Variants in CASQ2 observed in about 807,000 individuals in gnomAD.
The protein encoded by CASQ2 is calsequestrin-2.
A neutral mutation model predicts 46.5 loss-of-function variants in CASQ2; 49 were observed. That is an observed-to-expected ratio of 1.05 (90% CI 0.84 to 1.34). CASQ2 has a LOEUF of 1.34. CASQ2 is among the 40% of genes most tolerant of loss of function. The pLI is 0.00. For synonymous variants in CASQ2, 174 were observed against 168.5 expected, an observed-to-expected ratio of 1.03 and a Z score of -0.25; for missense variants, 486 against 481.3, an observed-to-expected ratio of 1.01 and a Z score of -0.09.
In CASQ2 at chr1:115,721,674, G is replaced by T. The variant is rs538575923; in HGVS notation, c.784-3780C>A. On this transcript the variant is annotated intron_variant, in intron 7 of 10. Transcript: ENST00000261448. ...CAGCCTCTGCCTCCCAGGCTCAAAG[G>T]ATGCTCCTGCCTCAGCCTCTCAAGC... 1.3e-4 allele frequency among the ~76,000 whole-genome samples: 20 copies of T among 152,162 alleles called. No homozygotes were observed. The South Asian group carries it at 3.7e-3, about 28-fold the overall frequency.
intron 7 of CASQ2, among the ~76,000 whole-genome samples, chr1:115,721,303 C>T (rs4255384): frequency 0.57 from 87,076 of 151,782 alleles, 25,169 homozygotes; most frequent in East Asian, 0.65. Flanking sequence ...ACTGGGTCTC[C>T]TTTTGCCCTG....
Position 115,768,299 on chromosome 1 carries a change from G to A in CASQ2, c.234+9C>T, listed in dbSNP as rs778512493. On this transcript the variant is annotated intron_variant, in intron 1 of 10. Transcript: ENST00000261448. Reference sequence around the variant, plus strand: ...GGCAGCGCAGACAGCATGCCCTTTGGTTACTTACCTCAAGCACGATTTCTT... The same window carrying A: ...GGCAGCGCAGACAGCATGCCCTTTGATTACTTACCTCAAGCACGATTTCTT... 2 of 1,584,894 alleles carry A rather than the reference G, an allele frequency of 1.3e-6. No individual in the cohort carries two copies. The highest frequency in any genetic ancestry group is 1.7e-6 in the Non-Finnish European group (2 of 1,153,622).
chr1:115,721,831 A>G (rs1647388381), intron 7 of CASQ2, among the ~76,000 whole-genome samples: 1 of 152,198 alleles, frequency 6.6e-6, no homozygotes, highest in Non-Finnish European at 1.5e-5. Context: ...TCAGCCTCCC[A>G]AAGTGCTGGG....
intron 1 of CASQ2, among the ~76,000 whole-genome samples, chr1:115,754,988 G>A (rs567065754): frequency 1.3e-5 from 2 of 152,294 alleles, no homozygotes; most frequent in African/African-American, 4.8e-5. Context: ...GGTCTGGGAT[G>A]GGACCCAAGA....
At chr1:115,742,624 A>C (rs1367383922) in intron 2 of CASQ2, among the ~76,000 whole-genome samples, 1 of 152,192 alleles carries the variant, frequency 6.6e-6, no homozygotes, top group Non-Finnish European at 1.5e-5. Context: ...TTGTCCACCC[A>C]AAATTTTTAG....
chr1:115,767,169 C>T (rs1649164495), intron 1 of CASQ2, among the ~76,000 whole-genome samples: 1 of 152,124 alleles, frequency 6.6e-6, no homozygotes. Context: ...CAGCTAAGTT[C>T]TATGTCTCGT....
At chr1:115,711,578 C>CTTT (rs1557787303) in intron 8 of CASQ2, among the ~76,000 whole-genome samples, 1 of 141,556 alleles carries the variant, frequency 7.1e-6, no homozygotes. Context: ...CCATCAAACT[C>CTTT]TTACTCATTT....
At chr1:115,728,242 C>A (rs1302152088) in intron 5 of CASQ2, among the ~76,000 whole-genome samples, 3 of 152,146 alleles carry the variant, frequency 2.0e-5, no homozygotes, top group African/African-American at 7.2e-5. Flanking sequence ...ACATTGATAT[C>A]CATATGGTTT....
At chr1:115,735,056 TG>T in intron 4 of CASQ2, among the ~76,000 whole-genome samples, 1 of 152,362 alleles carries the variant, frequency 6.6e-6, no homozygotes, top group South Asian at 2.1e-4. Flanking sequence ...TCCAAGTTCA[TG>T]TACTGATAGT....
chr1:115,726,198 G>C (rs980929177), intron 6 of CASQ2, among the ~76,000 whole-genome samples: 11 of 152,206 alleles, frequency 7.2e-5, no homozygotes, highest in African/African-American at 2.7e-4. Flanking sequence ...TACATGCCAG[G>C]TAGGGTGGAG....
chr1:115,709,224 T>C (rs1654465329), intron 8 of CASQ2, among the ~76,000 whole-genome samples: 1 of 152,186 alleles, frequency 6.6e-6, no homozygotes, highest in Non-Finnish European at 1.5e-5. Flanking sequence ...TGTTTCTTTG[T>C]AAAACTGGCA....
chr1:115,723,792 G>T (rs987734695), intron 7 of CASQ2, among the ~76,000 whole-genome samples: 1 of 152,134 alleles, frequency 6.6e-6, no homozygotes, highest in African/African-American at 2.4e-5. Flanking sequence ...GCCCACCTTG[G>T]CCTCCCAAAG....
chr1:115,705,624 CCTGTGCGATCT>C (rs1553192419), intron 8 of CASQ2, among the ~76,000 whole-genome samples: 1 of 152,194 alleles, frequency 6.6e-6, no homozygotes, highest in Non-Finnish European at 1.5e-5. Flanking sequence ...CCTTACTGAT[CCTGTGCGATCT>C]CTTGAAACAG....
At chr1:115,703,057 C>T (rs1654259068) in intron 9 of CASQ2, 62 bp from the exon 10 acceptor site, 1 of 1,299,832 alleles carries the variant, frequency 7.7e-7, no homozygotes. Context: ...TAAGGACCCA[C>T]CCGCCGTCCC....
At chr1:115,746,615 C>A in intron 1 of CASQ2, among the ~76,000 whole-genome samples, 1 of 152,114 alleles carries the variant, frequency 6.6e-6, no homozygotes, top group Non-Finnish European at 1.5e-5. Flanking sequence ...TCCTGATTTG[C>A]CATGTGTATG....
chr1:115,725,529 T>G lies in CASQ2; in HGVS notation c.762A>C (p.Pro254=). Residue 254 remains proline, a synonymous_variant, in exon 7 of 11, where the codon CCA becomes CCC. Transcript: ENST00000261448. ...HQRPTLRRLR[P]EEMFETWEDD... ...TTACCCATGTTTCAAACATTTCTTC[T>G]GGGCGCAGGCGACGTAGAGTGGGTC... 3 of 1,573,114 alleles carry G rather than the reference T, an allele frequency of 1.9e-6. No individual in the cohort carries two copies. The highest frequency in any genetic ancestry group is 2.6e-6 in the Non-Finnish European group (3 of 1,154,282).
At chr1:115,718,101 T>G (rs2101069133) in intron 7 of CASQ2, among the ~76,000 whole-genome samples, 1 of 151,986 alleles carries the variant, frequency 6.6e-6, no homozygotes, top group South Asian at 2.1e-4. Context: ...ATGCATAGGG[T>G]TTGGATCAGG....
chr1:115,710,669 A>C (rs749674016), intron 8 of CASQ2, among the ~76,000 whole-genome samples: 17 of 152,108 alleles, frequency 1.1e-4, no homozygotes, highest in Non-Finnish European at 1.8e-4. Context: ...GCCTCCCAGC[A>C]GCTGTAGTAT....
intron 9 of CASQ2, among the ~76,000 whole-genome samples, chr1:115,703,558 A>G (rs1156256109): frequency 6.6e-6 from 1 of 152,108 alleles, no homozygotes; most frequent in Non-Finnish European, 1.5e-5. Flanking sequence ...AGTGGGGACT[A>G]GGGATATTCA....
Sources: allele counts gnomAD v4.1 joint callset (sites outside exome capture counted in the v4.1 genomes callset), GRCh38; gene constraint gnomAD v4.1.1; transcripts MANE v1.5; gene names NCBI Gene and HGNC (gene_info 2026-07-23, HGNC 2026-07-21).